The following PTPN4 variants were observed in gnomAD, a reference collection of about 807,000 sequenced individuals.
PTPN4 encodes the protein tyrosine-protein phosphatase non-receptor type 4.
PTPN4 carries 49 observed loss-of-function variants against 135.5 expected under a neutral mutation model. That is an observed-to-expected ratio of 0.36 (90% confidence interval 0.29 to 0.46). The LOEUF is 0.46. Among genes scored for constraint, PTPN4 ranks in the 20% least tolerant of loss-of-function variants. The pLI, the probability that PTPN4 is intolerant of heterozygous loss-of-function variation, is 1.00. For synonymous variants in PTPN4, 333 were observed against 369.9 expected (o/e 0.90, Z 1.14); for missense variants, 860 against 1,101.0 (o/e 0.78, Z 3.10).
chr2:119,902,908 A>G (rs1678427737), intron 10 of PTPN4, among the ~76,000 whole-genome samples: 1 of 152,128 alleles, frequency 6.6e-6, no homozygotes, highest in South Asian at 2.1e-4. Flanking sequence ...CACACCCCCT[A>G]AGACCCAGGC....
At position 119,982,245 on chromosome 2, in the gene PTPN4, A is replaced by G. The variant is rs1194691481; in HGVS notation, c.*5175A>G. The G allele has an allele frequency of 1.3e-5, 2 of 152,286 alleles. No individual in the cohort carries two copies. The highest frequency in any genetic ancestry group is 4.8e-5 in the African/African-American group (2 of 41,576). 9.4% of individuals were successfully genotyped at this position (152,286 alleles called of 1,614,324 possible). On this transcript the variant is annotated 3_prime_UTR_variant, in exon 27 of 27. Transcript: ENST00000263708. Reference sequence around the variant, plus strand: ...TAAAGGATATAGAAAATATTTTTCTATGGACAGAAGGTTGAAACTGTTAAC... The same window carrying G: ...TAAAGGATATAGAAAATATTTTTCTGTGGACAGAAGGTTGAAACTGTTAAC...
chr2:119,894,895 A>G (rs935557069), intron 9 of PTPN4, among the ~76,000 whole-genome samples: 10 of 152,198 alleles, frequency 6.6e-5, no homozygotes, highest in Admixed American at 1.3e-4. Flanking sequence ...AAAAATAACT[A>G]TTTTTTGCCT....
chr2:119,776,551 G>A (rs190406214), intron 1 of PTPN4, among the ~76,000 whole-genome samples: 14 of 152,264 alleles, frequency 9.2e-5, no homozygotes, highest in Admixed American at 8.5e-4. Context: ...GTTACGTGGA[G>A]TGTGCCTGCC....
At chr2:119,971,327 C>G (rs1679530967) in intron 26 of PTPN4, among the ~76,000 whole-genome samples, 1 of 152,128 alleles carries the variant, frequency 6.6e-6, no homozygotes, top group Non-Finnish European at 1.5e-5. Flanking sequence ...AGGTCTGCCC[C>G]CATTATTCAG....
In PTPN4 at chr2:119,820,136, T is replaced by C. The variant is rs973462675; in HGVS notation, c.138+10145T>C. Among the ~76,000 whole-genome samples, 14 of 152,348 alleles carry C rather than the reference T, an allele frequency of 9.2e-5. No individual in the cohort carries two copies. The South Asian group carries it at 1.4e-3, about 16-fold the overall frequency. On this transcript the variant is annotated intron_variant, in intron 2 of 26. Transcript: ENST00000263708. ...TCGACCTCCCACACTGCTGGAATTA[T>C]AGGCATGAGCCGCGGTGCCTGGCCT...
At chr2:119,869,576 C>T (rs992844231) in intron 3 of PTPN4, among the ~76,000 whole-genome samples, 1 of 152,170 alleles carries the variant, frequency 6.6e-6, no homozygotes, top group African/African-American at 2.4e-5. Context: ...TTTCCCCCAC[C>T]CCCATTCCTA....
At chr2:119,865,886 T>C (rs1172027857) in intron 3 of PTPN4, among the ~76,000 whole-genome samples, 1 of 152,102 alleles carries the variant, frequency 6.6e-6, no homozygotes, top group Admixed American at 6.5e-5. Flanking sequence ...CATTTTGTTT[T>C]TTTCTCCTAA....
intron 1 of PTPN4, among the ~76,000 whole-genome samples, chr2:119,777,417 C>A (rs1690856917): frequency 6.6e-6 from 1 of 151,994 alleles, no homozygotes; most frequent in African/African-American, 2.4e-5. Flanking sequence ...ATATTTTTTT[C>A]TTTCCTCATT....
intron 9 of PTPN4, among the ~76,000 whole-genome samples, chr2:119,894,848 T>C (rs1558757275): frequency 6.6e-6 from 1 of 152,198 alleles, no homozygotes; most frequent in Admixed American, 6.5e-5. Context: ...AACAAGGAGA[T>C]ACCAATTTTA....
chr2:119,973,937 T>A (rs1233401089), intron 26 of PTPN4, among the ~76,000 whole-genome samples: 1 of 152,186 alleles, frequency 6.6e-6, no homozygotes, highest in Non-Finnish European at 1.5e-5. Flanking sequence ...ATAATGATAT[T>A]CTAATTCTAT....
intron 26 of PTPN4, among the ~76,000 whole-genome samples, chr2:119,973,585 T>A (rs1679566898): frequency 6.6e-6 from 1 of 151,128 alleles, no homozygotes. Context: ...TCAGATATAG[T>A]CTACACATTT....
At chr2:119,853,610 G>C (rs1173507668) in intron 2 of PTPN4, among the ~76,000 whole-genome samples, 6 of 151,814 alleles carry the variant, frequency 4.0e-5, no homozygotes, top group South Asian at 2.1e-4. Flanking sequence ...ATAGTATTGT[G>C]TTTTCCCCAA....
chr2:119,854,895 G>C (rs1031530512), intron 2 of PTPN4, among the ~76,000 whole-genome samples: 8 of 152,110 alleles, frequency 5.3e-5, no homozygotes, highest in African/African-American at 1.9e-4. Context: ...TGTTAATCCA[G>C]AAACAGCGTG....
intron 7 of PTPN4, 105 bp from the exon 8 acceptor site, chr2:119,882,398 A>AT: frequency 8.5e-7 from 1 of 1,179,202 alleles, no homozygotes; most frequent in Non-Finnish European, 1.2e-6. Flanking sequence ...TATTAGAAAC[A>AT]TAAGTATTTT....
chr2:119,863,476 C>A (rs1677789672), intron 3 of PTPN4, among the ~76,000 whole-genome samples: 1 of 152,054 alleles, frequency 6.6e-6, no homozygotes, highest in African/African-American at 2.4e-5. Context: ...AGAAATGGTT[C>A]TGGATTAATG....
intron 10 of PTPN4, 91 bp downstream of exon 10, chr2:119,900,897 ATGT>A: frequency 1.4e-6 from 1 of 715,818 alleles, no homozygotes; most frequent in Middle Eastern, 4.4e-4. Flanking sequence ...AACTATTTTA[ATGT>A]TGTCATTTTA....
At chr2:119,765,931 T>C (rs1377703541) in intron 1 of PTPN4, among the ~76,000 whole-genome samples, 3 of 143,836 alleles carry the variant, frequency 2.1e-5, no homozygotes, top group African/African-American at 7.8e-5. Context: ...TGTGTGTGTG[T>C]GTGCGCGCGC....
At chr2:119,787,155 A>G (rs978467461) in intron 1 of PTPN4, among the ~76,000 whole-genome samples, 3 of 152,122 alleles carry the variant, frequency 2.0e-5, no homozygotes, top group African/African-American at 4.8e-5. Flanking sequence ...GCATTTACAA[A>G]TCTTCTCCTG....
intron 12 of PTPN4, among the ~76,000 whole-genome samples, chr2:119,924,869 C>T (rs1678797537): frequency 6.6e-6 from 1 of 151,946 alleles, no homozygotes; most frequent in African/African-American, 2.4e-5. Context: ...CAAACAAAAG[C>T]AATTTAATTG....
Sources: gnomAD v4.1 joint callset for allele counts (sites outside exome capture counted in the v4.1 genomes callset) on GRCh38, gnomAD v4.1.1 for gene constraint, MANE v1.5 for transcripts, NCBI Gene and HGNC (gene_info 2026-07-23, HGNC 2026-07-21) for gene names.